The following ACSS3 variants were observed in gnomAD, a reference collection of about 807,000 sequenced individuals.
ACSS3 encodes the protein acyl-CoA synthetase short chain family member 3.
A neutral mutation model predicts 84.2 loss-of-function variants in ACSS3; 64 were observed. That is an observed-to-expected ratio of 0.76 (90% confidence interval 0.62 to 0.94). ACSS3 has a LOEUF of 0.94. Among genes scored for constraint, ACSS3 ranks in the 40% least tolerant of loss-of-function variants. The probability of loss-of-function intolerance (pLI) is 0.00; values close to 1 mark genes in which losing one functional copy is unlikely to be tolerated. For synonymous variants in ACSS3, 317 were observed against 310.1 expected (o/e 1.02, Z -0.23); for missense variants, 815 against 867.6 (o/e 0.94, Z 0.76).
At chr12:81,198,587 G>GA (rs1174627663) in intron 8 of ACSS3, among the ~76,000 whole-genome samples, 1 of 146,364 alleles carries the variant, frequency 6.8e-6, no homozygotes, top group Admixed American at 6.8e-5. Flanking sequence ...GAGGGCATTT[G>GA]AAAATGAAAA....
At chr12:81,152,534 T>C (rs949461166) in intron 7 of ACSS3, among the ~76,000 whole-genome samples, 1 of 152,158 alleles carries the variant, frequency 6.6e-6, no homozygotes, top group Non-Finnish European at 1.5e-5. Context: ...GTATAAGACA[T>C]AGGAATATAG....
chr12:81,245,628 T>C (rs2033959438), intron 13 of ACSS3, among the ~76,000 whole-genome samples: 2 of 152,314 alleles, frequency 1.3e-5, no homozygotes, highest in Admixed American at 6.5e-5. Context: ...TGTTTTGTCA[T>C]ACAGCTCGGG....
intron 9 of ACSS3, among the ~76,000 whole-genome samples, chr12:81,205,862 T>C (rs988392390): frequency 6.6e-6 from 1 of 152,130 alleles, no homozygotes; most frequent in African/African-American, 2.4e-5. Context: ...GTTTCACAAC[T>C]GTGTGTTAGC....
intron 1 of ACSS3, among the ~76,000 whole-genome samples, chr12:81,089,006 G>C (rs867346027): frequency 5.3e-4 from 80 of 152,058 alleles, no homozygotes; most frequent in Admixed American, 3.3e-4. Flanking sequence ...CTTTAGAAAT[G>C]TTTCCTGGAC....
chr12:81,159,574 G>A (rs1335297501), intron 7 of ACSS3, among the ~76,000 whole-genome samples: 1 of 152,180 alleles, frequency 6.6e-6, no homozygotes, highest in Non-Finnish European at 1.5e-5. Context: ...CTTTACTTTT[G>A]AGAGGAAAAA....
At chr12:81,079,517 C>T (rs1032273438) in intron 1 of ACSS3, among the ~76,000 whole-genome samples, 6 of 152,192 alleles carry the variant, frequency 3.9e-5, no homozygotes, top group Non-Finnish European at 7.3e-5. Flanking sequence ...TGTTCTGTGT[C>T]TCCACCATGC....
chr12:81,097,017 A>G (rs956364213), intron 1 of ACSS3, among the ~76,000 whole-genome samples: 3 of 152,232 alleles, frequency 2.0e-5, no homozygotes, highest in Non-Finnish European at 4.4e-5. Flanking sequence ...GCATTAGCCA[A>G]GTGTGGCTAT....
At chr12:81,082,974 A>G (rs1881080770) in intron 1 of ACSS3, among the ~76,000 whole-genome samples, 1 of 152,208 alleles carries the variant, frequency 6.6e-6, no homozygotes, top group Non-Finnish European at 1.5e-5. Flanking sequence ...TGGTCCAATA[A>G]GTTTTGAGGG....
chr12:81,207,085 T>C (rs2032379158), intron 9 of ACSS3, among the ~76,000 whole-genome samples: 1 of 152,154 alleles, frequency 6.6e-6, no homozygotes, highest in Admixed American at 6.6e-5. Context: ...TAACATAAAG[T>C]TGTTTTGGCC....
At chr12:81,232,823 C>T (rs1322787899) in intron 12 of ACSS3, among the ~76,000 whole-genome samples, 1 of 151,594 alleles carries the variant, frequency 6.6e-6, no homozygotes, top group East Asian at 1.9e-4. Context: ...ATTCTACTGT[C>T]ATTTCTAGAC....
upstream of ACSS3, chr12:81,077,892 G>T: frequency 2.0e-6 from 1 of 494,798 alleles, no homozygotes; most frequent in Non-Finnish European, 3.5e-6. Context: ...CAACTAACCT[G>T]CTGCAACGGC....
chr12:81,233,460 G>A lies in ACSS3; in HGVS notation c.1708G>A (p.Ala570Thr), dbSNP rs763027564. 33 of 1,610,310 alleles carry A rather than the reference G, an allele frequency of 2.0e-5. No individual in the cohort carries two copies. Among genetic ancestry groups the A allele is most frequent in the African/African-American group, 2.7e-5 (2 of 74,600 alleles). The change falls in exon 13 of 16, where the codon GCC (alanine) becomes ACC (threonine). Residue 570 changes from alanine to threonine, a missense_variant. Ala to Thr is a moderately conservative substitution (Grantham distance 58). Coordinates refer to ENST00000548058, the MANE Select transcript of ACSS3 (RefSeq NM_024560.4). ...NVAGHRISAG[A>T]IEESILSHGT... ...TGCAGGTCACAGAATTTCTGCAGGCGCCATTGAAGAGGTATTGATGAATAT... is the reference window on the plus strand; with the variant it reads ...TGCAGGTCACAGAATTTCTGCAGGCACCATTGAAGAGGTATTGATGAATAT...
At chr12:81,146,636 T>C (rs1886354764) in intron 5 of ACSS3, among the ~76,000 whole-genome samples, 1 of 152,214 alleles carries the variant, frequency 6.6e-6, no homozygotes, top group South Asian at 2.1e-4. Context: ...GTTAATCTGT[T>C]AGCTGCTGTA....
At chr12:81,176,516 G>A (rs1372428555) in intron 8 of ACSS3, among the ~76,000 whole-genome samples, 3 of 152,066 alleles carry the variant, frequency 2.0e-5, no homozygotes, top group Non-Finnish European at 4.4e-5. Flanking sequence ...GGAGGTTGCA[G>A]TGAGCCAAGA....
At chr12:81,163,021 G>A (rs1213593307) in intron 7 of ACSS3, among the ~76,000 whole-genome samples, 1 of 152,030 alleles carries the variant, frequency 6.6e-6, no homozygotes, top group Non-Finnish European at 1.5e-5. Flanking sequence ...TGGCTGGGTG[G>A]CTGCAGCTGC....
At chr12:81,085,194 A>T (rs1008024110) in intron 1 of ACSS3, among the ~76,000 whole-genome samples, 4 of 152,132 alleles carry the variant, frequency 2.6e-5, no homozygotes, top group Non-Finnish European at 5.9e-5. Flanking sequence ...TTCTTATGTT[A>T]ATTTTTTGCT....
At chr12:81,213,842 T>TCTTCTCTTCTCTTCA in intron 9 of ACSS3, among the ~76,000 whole-genome samples, 1 of 116,172 alleles carries the variant, frequency 8.6e-6, no homozygotes, top group Non-Finnish European at 1.9e-5. Flanking sequence ...TCTTCTCTTC[T>TCTTCTCTTCTCTTCA]CTCCTCTCCT....
intron 13 of ACSS3, among the ~76,000 whole-genome samples, chr12:81,239,252 G>T (rs147565611): frequency 1.3e-5 from 2 of 151,574 alleles, no homozygotes; most frequent in Non-Finnish European, 2.9e-5. Flanking sequence ...AAAATTTTAA[G>T]GTGTGTTTTA....
chr12:81,232,174 G>A (rs2033487236), intron 12 of ACSS3, among the ~76,000 whole-genome samples: 1 of 151,678 alleles, frequency 6.6e-6, no homozygotes, highest in African/African-American at 2.4e-5. Context: ...TGCATGATGG[G>A]CCACAGTTAA....
Sources: allele counts gnomAD v4.1 joint callset (sites outside exome capture counted in the v4.1 genomes callset), GRCh38; gene constraint gnomAD v4.1.1; transcripts MANE v1.5; gene names NCBI Gene and HGNC (gene_info 2026-07-23, HGNC 2026-07-21).